The following TAF12 variants were observed in gnomAD, a reference collection of about 807,000 sequenced individuals.
TAF12 encodes the protein TATA-box binding protein associated factor 12.
Under a neutral mutation model 20.8 loss-of-function variants are expected in TAF12, and 3 were observed. The ratio of observed to expected loss-of-function variants is 0.14; its 90% CI spans 0.07 to 0.37. TAF12 has a LOEUF of 0.37. TAF12 is among the 10% of genes least tolerant of loss of function. The pLI is 1.00. For synonymous variants in TAF12, 69 were observed against 70.2 expected, an observed-to-expected ratio of 0.98 and a Z score of 0.09; for missense variants, 131 against 197.9, an observed-to-expected ratio of 0.66 and a Z score of 2.03.
At chr1:28,605,297 G>T in intron 5 of TAF12, 75 bp downstream of exon 5, 1 of 1,488,568 alleles carries the variant, frequency 6.7e-7, no homozygotes, top group Non-Finnish European at 9.3e-7. Flanking sequence ...CTAGAAGGTA[G>T]CTGTGTGTAT....
chr1:28,617,391 C>T (rs973569252), intron 3 of TAF12, among the ~76,000 whole-genome samples: 2 of 151,724 alleles, frequency 1.3e-5, no homozygotes, highest in East Asian at 3.9e-4. Context: ...TTTAAGAACA[C>T]TTCAACCTCC....
intron 1 of TAF12, among the ~76,000 whole-genome samples, chr1:28,640,500 C>T (rs1474897075): frequency 1.3e-5 from 2 of 152,162 alleles, no homozygotes; most frequent in Non-Finnish European, 2.9e-5. Flanking sequence ...AGTAACCTCT[C>T]TAAACCTATT....
chr1:28,631,067 GAT>G (rs1469869868), intron 1 of TAF12, among the ~76,000 whole-genome samples: 22 of 138,128 alleles, frequency 1.6e-4, no homozygotes, highest in African/African-American at 5.8e-4. Context: ...AAAAAAAAAA[GAT>G]ATGTCATAGA....
chr1:28,634,122 C>T (rs1205907246), intron 1 of TAF12, among the ~76,000 whole-genome samples: 1 of 151,704 alleles, frequency 6.6e-6, no homozygotes, highest in African/African-American at 2.4e-5. Context: ...AAAACAAAAA[C>T]AGGCATTAAC....
At chr1:28,645,365 A>G (rs1232480555), upstream of TAF12, among the ~76,000 whole-genome samples, 3 of 148,100 alleles carry the variant, frequency 2.0e-5, no homozygotes, top group African/African-American at 7.4e-5. Flanking sequence ...TTTAAGAGAT[A>G]AGGACTGGAC....
Position 28,613,230 on chromosome 1 carries a change from G to C in TAF12, c.361+17C>G. The C allele has an allele frequency of 6.3e-7, 1 of 1,591,054 alleles. No homozygotes were observed. Among genetic ancestry groups the C allele is most frequent in the African/African-American group, 1.3e-5 (1 of 74,684 alleles). On this transcript the variant is annotated intron_variant, in intron 4 of 5. Transcript: ENST00000373824. ...AGCAGTTGAATCCATACTTCAGGGA[G>C]AAACAAGACCACATACCTAAATGCA...
upstream of TAF12, among the ~76,000 whole-genome samples, chr1:28,644,570 C>G (rs550891452): frequency 6.6e-6 from 1 of 152,300 alleles, no homozygotes; most frequent in South Asian, 2.1e-4. Flanking sequence ...GTGGCTAAGA[C>G]GGATGATCTC....
upstream of TAF12, among the ~76,000 whole-genome samples, chr1:28,646,879 T>C (rs558597114): frequency 3.1e-3 from 477 of 152,222 alleles, 20 homozygotes; most frequent in South Asian, 0.095. Flanking sequence ...TTTGTATTTT[T>C]AGTAGAGACG....
intron 4 of TAF12, among the ~76,000 whole-genome samples, chr1:28,608,967 A>T (rs1034646919): frequency 8.8e-4 from 134 of 152,222 alleles, no homozygotes; most frequent in African/African-American, 3.0e-3. Flanking sequence ...AAGAAATAAT[A>T]AAGACAGTAG....
At chr1:28,629,061 A>G (rs1220490949) in intron 1 of TAF12, among the ~76,000 whole-genome samples, 1 of 152,198 alleles carries the variant, frequency 6.6e-6, no homozygotes, top group Non-Finnish European at 1.5e-5. Context: ...ACAGAGCAAG[A>G]CTCCGTCTCA....
chr1:28,620,792 C>G (rs570295428), intron 2 of TAF12, among the ~76,000 whole-genome samples: 5 of 151,228 alleles, frequency 3.3e-5, no homozygotes, highest in African/African-American at 9.7e-5. Context: ...CTAGCCCAGG[C>G]AACAGAGCAA....
upstream of TAF12, chr1:28,646,121 A>AC: frequency 6.6e-6 from 1 of 152,176 alleles, no homozygotes; most frequent in East Asian, 1.9e-4. Context: ...AAAAAAAAAA[A>AC]AATTAGCCTC....
chr1:28,634,617 G>A (rs557733891), intron 1 of TAF12, among the ~76,000 whole-genome samples: 68 of 151,894 alleles, frequency 4.5e-4, no homozygotes, highest in African/African-American at 1.6e-3. Context: ...CGATTGTATG[G>A]GTTAGAGTTC....
Position 28,618,044 on chromosome 1 carries a change from G to T in TAF12, c.169-14C>A, listed in dbSNP as rs781031522. The T allele has an allele frequency of 3.7e-6, 6 of 1,604,138 alleles. No homozygotes were observed. The East Asian group carries it at 1.3e-4, about 36-fold the overall frequency. ...CTTGGTCAATACCTAAAGTTAATTG[G>T]AAGAAGACTTTTCAACCAGATATTA... is the stretch of plus-strand genomic sequence containing the variant. On this transcript the variant is annotated splice_polypyrimidine_tract_variant and intron_variant, in intron 2 of 5. Transcript: ENST00000373824.
Position 28,604,790 on chromosome 1 carries a change from T to C in TAF12, c.450+582A>G, listed in dbSNP as rs535379519. On this transcript the variant is annotated intron_variant, in intron 5 of 5. Transcript: ENST00000373824. ...TAAGACAGAAAGGATAACAGCCTTGTCAGAGGGAGGCCAACACTGCTGTTG... is the reference window on the plus strand; with the variant it reads ...TAAGACAGAAAGGATAACAGCCTTGCCAGAGGGAGGCCAACACTGCTGTTG... Among the ~76,000 whole-genome samples, 6 of 152,298 alleles carry C rather than the reference T, an allele frequency of 3.9e-5. No homozygotes were observed. The South Asian group carries it at 1.2e-3, about 32-fold the overall frequency.
chr1:28,623,352 A>ATGT (rs1667282664), intron 1 of TAF12, among the ~76,000 whole-genome samples: 1 of 151,964 alleles, frequency 6.6e-6, no homozygotes, highest in Admixed American at 6.6e-5. Context: ...AGAAACCCCA[A>ATGT]CTCTACTAAA....
chr1:28,632,264 GCT>G (rs4252981), intron 1 of TAF12, among the ~76,000 whole-genome samples: 1 of 151,996 alleles, frequency 6.6e-6, no homozygotes. Context: ...ATGGTGAAAC[GCT>G]CTCTACTAAA....
At chr1:28,636,121 G>C (rs4252976) in intron 1 of TAF12, among the ~76,000 whole-genome samples, 3 of 152,100 alleles carry the variant, frequency 2.0e-5, no homozygotes, top group Non-Finnish European at 4.4e-5. Context: ...TGTGAGACTC[G>C]AGAGCAATAG....
At chr1:28,638,787 A>ATTTTTTTTTT (rs759099050) in intron 1 of TAF12, among the ~76,000 whole-genome samples, 1 of 101,846 alleles carries the variant, frequency 9.8e-6, no homozygotes, top group East Asian at 2.9e-4. Flanking sequence ...CACCTGGCCT[A>ATTTTTTTTTT]TTTTTTTTTT....
Sources: gnomAD v4.1 joint callset for allele counts (sites outside exome capture counted in the v4.1 genomes callset) on GRCh38, gnomAD v4.1.1 for gene constraint, MANE v1.5 for transcripts, NCBI Gene and HGNC (gene_info 2026-07-23, HGNC 2026-07-21) for gene names.